Variants in SLC39A10 observed in about 807,000 individuals in gnomAD.
The protein encoded by SLC39A10 is solute carrier family 39 member 10.
Under a neutral mutation model 65.1 loss-of-function variants are expected in SLC39A10, and 13 were observed. The ratio of observed to expected loss-of-function variants is 0.20; its 90% CI spans 0.13 to 0.32. The LOEUF (loss-of-function observed/expected upper bound fraction) is 0.32, where lower values mean the gene tolerates loss of function less well. SLC39A10 is among the 10% of genes least tolerant of loss of function. The pLI is 1.00. For synonymous variants in SLC39A10, 321 were observed against 342.2 expected (o/e 0.94, Z 0.68); for missense variants, 831 against 1,018.4 (o/e 0.82, Z 2.50).
chr2:195,645,287 C>T (rs1286542831), intron 2 of SLC39A10, among the ~76,000 whole-genome samples: 1 of 152,030 alleles, frequency 6.6e-6, no homozygotes, highest in Non-Finnish European at 1.5e-5. Flanking sequence ...AATGTCATTG[C>T]CTATACATTT....
Position 195,708,865 on chromosome 2 carries a change from T to C in SLC39A10, c.1575+21T>C, listed in dbSNP as rs1389746704. The C allele has an allele frequency of 9.8e-6, 15 of 1,537,658 alleles. No individual in the cohort carries two copies. The Admixed American group carries it at 2.9e-4, about 30-fold the overall frequency. On this transcript the variant is annotated intron_variant, in intron 5 of 9. Coordinates refer to ENST00000359634, the MANE Select transcript of SLC39A10 (RefSeq NM_020342.3). ...AAAGAGTAAGTATTTTTTATTTATT[T>C]AATTTTATACCATAAAACTCAAAAC...
chr2:195,683,555 A>T, intron 2 of SLC39A10, 144 bp from the exon 3 acceptor site: 1 of 631,020 alleles, frequency 1.6e-6, no homozygotes. Context: ...ATTCTTATTA[A>T]AAAGTTTTAT....
chr2:195,720,891 A>C (rs934794554), intron 8 of SLC39A10, among the ~76,000 whole-genome samples: 1 of 152,180 alleles, frequency 6.6e-6, no homozygotes, highest in East Asian at 1.9e-4. Flanking sequence ...GTTCTTATGT[A>C]ATTAAAGTCT....
At chr2:195,678,785 G>T (rs1334231142) in intron 1 of SLC39A10, among the ~76,000 whole-genome samples, 3 of 151,900 alleles carry the variant, frequency 2.0e-5, no homozygotes, top group Non-Finnish European at 4.4e-5. Context: ...ATACATGACA[G>T]ATTTCAAAGA....
At chr2:195,636,745 T>A (rs1332145252) in intron 2 of SLC39A10, among the ~76,000 whole-genome samples, 2 of 152,020 alleles carry the variant, frequency 1.3e-5, no homozygotes, top group African/African-American at 4.8e-5. Context: ...AGAGCAAGAC[T>A]CTGTCTAAAG....
At chr2:195,640,144 G>A (rs1213888590) in intron 2 of SLC39A10, among the ~76,000 whole-genome samples, 1 of 152,082 alleles carries the variant, frequency 6.6e-6, no homozygotes, top group African/African-American at 2.4e-5. Flanking sequence ...TCACCAGAGT[G>A]GTAAACACAG....
intron 2 of SLC39A10, among the ~76,000 whole-genome samples, chr2:195,623,117 A>G (rs926769352): frequency 6.6e-6 from 1 of 152,190 alleles, no homozygotes; most frequent in Admixed American, 6.5e-5. Flanking sequence ...AGCTAAGCCT[A>G]GAGAGTATGA....
rs373174304 is a variant in SLC39A10 at position 195,687,826 on chromosome 2, C to T, written c.1216+3920C>T. 9.0e-4 allele frequency among the ~76,000 whole-genome samples: 137 copies of T among 152,252 alleles called. 1 individual carries two copies. Among genetic ancestry groups the T allele is most frequent in the South Asian group, 2.3e-3 (11 of 4,824 alleles). ...GAAATCGTTTGTTTCACAAGATTGG[C>T]TCATTTAGTCCTAGAGTTGACCCTA... On this transcript the variant is annotated intron_variant, in intron 3 of 9. Transcript: ENST00000359634.
At chr2:195,663,508 C>T (rs770976918) in intron 1 of SLC39A10, among the ~76,000 whole-genome samples, 7 of 151,764 alleles carry the variant, frequency 4.6e-5, no homozygotes, top group African/African-American at 7.3e-5. Context: ...TGTAAGAAAA[C>T]GTAATAATAA....
chr2:195,619,042 G>C (rs1688289582), intron 2 of SLC39A10, among the ~76,000 whole-genome samples: 1 of 138,530 alleles, frequency 7.2e-6, no homozygotes, highest in African/African-American at 2.7e-5. Flanking sequence ...GCAGTGAGCT[G>C]AGATCGCACC....
intron 6 of SLC39A10, among the ~76,000 whole-genome samples, chr2:195,716,311 G>A (rs1691805755): frequency 1.3e-5 from 2 of 152,068 alleles, no homozygotes; most frequent in Admixed American, 1.3e-4. Context: ...TTATCTTCAT[G>A]CTTTCCAGTT....
intron 2 of SLC39A10, among the ~76,000 whole-genome samples, chr2:195,619,105 A>G (rs1348691711): frequency 6.8e-6 from 1 of 146,422 alleles, no homozygotes; most frequent in Non-Finnish European, 1.5e-5. Context: ...AAAAAAAAAA[A>G]AAAAAAAAAA....
intron 1 of SLC39A10, among the ~76,000 whole-genome samples, chr2:195,668,339 A>G (rs1307433396): frequency 6.6e-6 from 1 of 152,266 alleles, no homozygotes; most frequent in Non-Finnish European, 1.5e-5. Flanking sequence ...TTATGAAATT[A>G]GGAAACTGTA....
intron 2 of SLC39A10, among the ~76,000 whole-genome samples, chr2:195,628,909 C>T (rs1467900999): frequency 6.6e-6 from 1 of 152,198 alleles, no homozygotes; most frequent in Non-Finnish European, 1.5e-5. Context: ...AGAGCTTGAC[C>T]TGCATAGTCC....
chr2:195,635,026 G>C (rs1319114046), intron 2 of SLC39A10, among the ~76,000 whole-genome samples: 1 of 152,116 alleles, frequency 6.6e-6, no homozygotes, highest in Non-Finnish European at 1.5e-5. Context: ...TCCAGCCTGG[G>C]CAATAGAGCA....
intron 3 of SLC39A10, among the ~76,000 whole-genome samples, chr2:195,698,772 C>T (rs1691072612): frequency 6.6e-6 from 1 of 151,352 alleles, no homozygotes; most frequent in Admixed American, 6.6e-5. Context: ...CTGTAGTTGT[C>T]ATTTCTTGTA....
intron 2 of SLC39A10, among the ~76,000 whole-genome samples, chr2:195,628,724 T>G (rs561597736): frequency 6.6e-6 from 1 of 152,302 alleles, no homozygotes; most frequent in South Asian, 2.1e-4. Flanking sequence ...ATATGAGAAG[T>G]TAGTCTGGAA....
At chr2:195,714,515 A>G (rs1483353946) in intron 6 of SLC39A10, among the ~76,000 whole-genome samples, 1 of 152,172 alleles carries the variant, frequency 6.6e-6, no homozygotes, top group East Asian at 1.9e-4. Context: ...TACCTGTGGT[A>G]AAGAATGTTG....
chr2:195,660,754 C>A (rs1013561948), intron 1 of SLC39A10, among the ~76,000 whole-genome samples: 4 of 152,040 alleles, frequency 2.6e-5, no homozygotes, highest in African/African-American at 9.7e-5. Context: ...GTTTTCAAAG[C>A]GGGAAGTTAG....
Sources: gnomAD v4.1 joint callset for allele counts (sites outside exome capture counted in the v4.1 genomes callset) on GRCh38, gnomAD v4.1.1 for gene constraint, MANE v1.5 for transcripts, NCBI Gene and HGNC (gene_info 2026-07-23, HGNC 2026-07-21) for gene names.